The following WWTR1 variants were observed in gnomAD, a reference collection of about 807,000 sequenced individuals.
WWTR1 encodes WW domain-containing transcription regulator protein 1.
In WWTR1, 13 loss-of-function variants were observed where a neutral mutation model predicts 40.1. The ratio of observed to expected loss-of-function variants is 0.32; its 90% CI spans 0.21 to 0.52. The LOEUF is 0.52. Ranked by LOEUF, WWTR1 falls within the 20% of genes least tolerant of loss-of-function variation. WWTR1 has a pLI of 0.97. For synonymous variants in WWTR1, 230 were observed against 210.1 expected (o/e 1.09, Z -0.82); for missense variants, 436 against 523.1 (o/e 0.83, Z 1.63).
chr3:149,695,278 T>C (rs1714947799), intron 1 of WWTR1, among the ~76,000 whole-genome samples: 1 of 152,120 alleles, frequency 6.6e-6, no homozygotes, highest in Non-Finnish European at 1.5e-5. Context: ...CCAACAATAA[T>C]TTATTGTACA....
intron 4 of WWTR1, among the ~76,000 whole-genome samples, chr3:149,536,601 T>C (rs1176182966): frequency 1.3e-5 from 2 of 151,996 alleles, no homozygotes; most frequent in African/African-American, 4.8e-5. Flanking sequence ...CCGCGCCTGG[T>C]GGCTGTCAAG....
chr3:149,620,724 A>G (rs962970861), intron 2 of WWTR1, among the ~76,000 whole-genome samples: 1 of 152,178 alleles, frequency 6.6e-6, no homozygotes, highest in East Asian at 1.9e-4. Context: ...TAGGTCCTCA[A>G]GTTCCAGCTC....
intron 2 of WWTR1, among the ~76,000 whole-genome samples, chr3:149,605,918 A>C (rs995622210): frequency 1.3e-5 from 2 of 152,158 alleles, no homozygotes; most frequent in Non-Finnish European, 2.9e-5. Flanking sequence ...TATGGTGTGA[A>C]TGTCTGTGTC....
intron 2 of WWTR1, among the ~76,000 whole-genome samples, chr3:149,600,191 A>G (rs933237569): frequency 2.6e-5 from 4 of 152,186 alleles, no homozygotes; most frequent in African/African-American, 9.7e-5. Context: ...TCCGGACACC[A>G]AGGGACAACT....
intron 6 of WWTR1, among the ~76,000 whole-genome samples, chr3:149,524,836 G>C (rs557350359): frequency 2.0e-5 from 3 of 152,300 alleles, no homozygotes; most frequent in African/African-American, 7.2e-5. Context: ...TTTGGGGGAA[G>C]GAATTTTTTA....
At chr3:149,524,544 G>T (rs1735202862) in intron 6 of WWTR1, among the ~76,000 whole-genome samples, 2 of 152,070 alleles carry the variant, frequency 1.3e-5, no homozygotes, top group African/African-American at 4.8e-5. Context: ...GTGGCAGGGG[G>T]TGGTGGTGGG....
chr3:149,706,768 T>C (rs73001925), upstream of WWTR1, among the ~76,000 whole-genome samples: 972 of 152,346 alleles, frequency 6.4e-3, 11 homozygotes, highest in African/African-American at 0.022. Context: ...CTTTTTAGAA[T>C]AGAATATCTT....
intron 5 of WWTR1, among the ~76,000 whole-genome samples, chr3:149,717,128 C>G (rs1415812268): frequency 1.3e-5 from 2 of 152,164 alleles, no homozygotes. Flanking sequence ...GATTGTGCGA[C>G]TCCCCAGTGG....
intron 3 of WWTR1, 41 bp from the exon 4 acceptor site, chr3:149,542,578 A>G: frequency 6.5e-7 from 1 of 1,544,980 alleles, no homozygotes; most frequent in Non-Finnish European, 8.8e-7. Flanking sequence ...ACCAGGGCCC[A>G]CAATACCTTA....
In WWTR1 at chr3:149,543,848, A is replaced by T. The variant is rs966750474; in HGVS notation, c.569-1311T>A. Among the ~76,000 whole-genome samples the T allele has an allele frequency of 1.5e-4, 23 of 150,642 alleles. No individual in the cohort carries two copies. In the South Asian group the frequency reaches 1.7e-3, roughly 11 times the overall value. On this transcript the variant is annotated intron_variant, in intron 3 of 6. Coordinates refer to ENST00000360632, the MANE Select transcript of WWTR1 (RefSeq NM_015472.6). ...ATACTCACTTCATTTCTGAGAAAAA[A>T]ATTCTCAATTTTTGCTATATTTGGT...
chr3:149,694,872 C>A (rs1360718771), intron 1 of WWTR1, among the ~76,000 whole-genome samples: 1 of 152,200 alleles, frequency 6.6e-6, no homozygotes, highest in East Asian at 1.9e-4. Flanking sequence ...ATGTTCACTG[C>A]AGCACTATTC....
At chr3:149,596,143 C>A (rs1315456293) in intron 2 of WWTR1, among the ~76,000 whole-genome samples, 1 of 152,152 alleles carries the variant, frequency 6.6e-6, no homozygotes, top group African/African-American at 2.4e-5. Context: ...TACATAAAAT[C>A]AAATAGCATA....
intron 1 of WWTR1, among the ~76,000 whole-genome samples, chr3:149,672,886 C>T (rs1031406392): frequency 1.3e-5 from 2 of 151,250 alleles, no homozygotes; most frequent in East Asian, 1.9e-4. Context: ...TGGGCTCAAG[C>T]GATCCTCCCG....
chr3:149,721,470 T>C (rs926239676), intron 4 of WWTR1, among the ~76,000 whole-genome samples: 4 of 152,198 alleles, frequency 2.6e-5, no homozygotes, highest in Admixed American at 1.3e-4. Flanking sequence ...CCATAGCGTA[T>C]AATCTTTTAA....
At chr3:149,694,289 G>A (rs1714912401) in intron 1 of WWTR1, among the ~76,000 whole-genome samples, 1 of 152,170 alleles carries the variant, frequency 6.6e-6, no homozygotes, top group East Asian at 1.9e-4. Flanking sequence ...AGCTACTCAG[G>A]AGGCTGAGGA....
intron 3 of WWTR1, among the ~76,000 whole-genome samples, chr3:149,561,509 A>G (rs988269415): frequency 5.3e-5 from 8 of 152,226 alleles, no homozygotes; most frequent in African/African-American, 1.9e-4. Context: ...TTAAATGTAC[A>G]TACTCTTTGA....
In WWTR1 at chr3:149,528,195, C is replaced by G. The variant is rs1560045046; in HGVS notation, c.772-226G>C. Among the ~76,000 whole-genome samples the G allele has an allele frequency of 2.0e-5, 3 of 152,308 alleles. No individual in the cohort carries two copies. The South Asian group carries it at 6.2e-4, about 32-fold the overall frequency. On this transcript the variant is annotated intron_variant, in intron 4 of 6. Coordinates refer to ENST00000360632, the MANE Select transcript of WWTR1 (RefSeq NM_015472.6). ...ATGGGAAGCTCAGCTATTATTTGAT[C>G]TAAGGGCACTTAATGTTGCAATCAT...
Position 149,645,160 on chromosome 3 carries a change from A to G in WWTR1, c.431+11716T>C, listed in dbSNP as rs1024321120. On this transcript the variant is annotated intron_variant, in intron 2 of 6. Transcript: ENST00000360632. The stretch of plus-strand genomic sequence containing the variant: ...AGTGGCGCGATCTCAGCTCACTACA[A>G]GCTCTGCCTCCCAGGTTCGCGCCAT... Among the ~76,000 whole-genome samples the G allele has an allele frequency of 4.0e-5, 6 of 151,338 alleles. No individual in the cohort carries two copies. In the South Asian group the frequency reaches 6.3e-4, roughly 16 times the overall value.
chr3:149,588,314 G>A (rs762930974), intron 2 of WWTR1, among the ~76,000 whole-genome samples: 2 of 152,174 alleles, frequency 1.3e-5, no homozygotes, highest in Non-Finnish European at 2.9e-5. Context: ...AAGGTGCAGC[G>A]GAGCCAGCAA....
Sources: allele counts gnomAD v4.1 joint callset (sites outside exome capture counted in the v4.1 genomes callset), GRCh38; gene constraint gnomAD v4.1.1; transcripts MANE v1.5; gene names NCBI Gene and HGNC (gene_info 2026-07-23, HGNC 2026-07-21).